SGMS1: variants seen among roughly 807,000 people sequenced by gnomAD.
SGMS1 encodes the protein phosphatidylcholine:ceramide cholinephosphotransferase 1.
SGMS1 carries 13 observed loss-of-function variants against 46.2 expected under a neutral mutation model. The ratio of observed to expected loss-of-function variants is 0.28; its 90% CI spans 0.18 to 0.45. The LOEUF (loss-of-function observed/expected upper bound fraction) is 0.45, where lower values mean the gene tolerates loss of function less well. Among genes scored for constraint, SGMS1 ranks in the 20% least tolerant of loss-of-function variants. The probability of loss-of-function intolerance (pLI) is 1.00; values close to 1 mark genes in which losing one functional copy is unlikely to be tolerated. For missense variants in SGMS1, 324 were observed against 519.9 expected, an observed-to-expected ratio of 0.62 and a Z score of 3.66; for synonymous variants, 203 against 187.8, an observed-to-expected ratio of 1.08 and a Z score of -0.66.
rs750349777 is a variant in SGMS1 at position 50,458,339 on chromosome 10, CTT to C, written c.-313+2332_-313+2333del. On this transcript the variant is annotated intron_variant, in intron 5 of 10. Coordinates refer to ENST00000361781, the MANE Select transcript of SGMS1 (RefSeq NM_147156.4). ...TCTGGCTCTGCTATTTTCTTTTTCT[CTT>C]TTTTTTTTTTTTTTTTTTTTTTTTT... Among the ~76,000 whole-genome samples, 798 of 96,932 alleles carry C rather than the reference CTT, an allele frequency of 8.2e-3. 1 individual carries two copies. The highest frequency in any genetic ancestry group is 0.029 in the African/African-American group (667 of 23,320). The allele number at this position is 96,932 out of a possible 152,430, so 63.6% of individuals were successfully genotyped here. A position where few individuals can be genotyped will look rare whatever the true frequency, so the allele number is the denominator to read the frequency against.
intron 1 of SGMS1, among the ~76,000 whole-genome samples, chr10:50,595,357 T>C (rs1291158172): frequency 1.3e-5 from 2 of 152,138 alleles, no homozygotes; most frequent in Admixed American, 1.3e-4. Context: ...TTTGTGCTTT[T>C]AGTAGAGGCA....
intron 6 of SGMS1, among the ~76,000 whole-genome samples, chr10:50,384,856 G>A (rs1848659377): frequency 6.6e-6 from 1 of 152,088 alleles, no homozygotes; most frequent in South Asian, 2.1e-4. Flanking sequence ...ACTTAGATGA[G>A]GATAGTACAA....
chr10:50,529,673 A>G (rs1837935332), intron 2 of SGMS1, among the ~76,000 whole-genome samples: 1 of 152,226 alleles, frequency 6.6e-6, no homozygotes, highest in Non-Finnish European at 1.5e-5. Flanking sequence ...TTACAGGTCT[A>G]AAAATGCCAT....
intron 8 of SGMS1, among the ~76,000 whole-genome samples, chr10:50,313,075 A>G (rs1847282354): frequency 6.6e-6 from 1 of 152,260 alleles, no homozygotes; most frequent in African/African-American, 2.4e-5. Context: ...AGAGAAGGAA[A>G]GTAATTCTAG....
intron 3 of SGMS1, among the ~76,000 whole-genome samples, chr10:50,479,472 T>C (rs11005872): frequency 0.13 from 20,053 of 152,168 alleles, 1,430 homozygotes; most frequent in Middle Eastern, 0.22. Context: ...TTGAACAATA[T>C]ATTGGAGATT....
chr10:50,500,344 A>G (rs1016092754), intron 3 of SGMS1, among the ~76,000 whole-genome samples: 3 of 152,242 alleles, frequency 2.0e-5, no homozygotes, highest in Non-Finnish European at 2.9e-5. Context: ...TTCTGTTTAT[A>G]GAAATTTACT....
intron 6 of SGMS1, among the ~76,000 whole-genome samples, chr10:50,425,535 A>G (rs1272272636): frequency 6.6e-6 from 1 of 152,202 alleles, no homozygotes; most frequent in Non-Finnish European, 1.5e-5. Context: ...TATAAGTGGG[A>G]CCTAAACATT....
intron 7 of SGMS1, among the ~76,000 whole-genome samples, chr10:50,333,802 T>C (rs1469099533): frequency 2.0e-5 from 3 of 152,208 alleles, no homozygotes; most frequent in Non-Finnish European, 4.4e-5. Context: ...GCACAGTTCA[T>C]GAATCAGGAA....
chr10:50,410,906 T>C (rs534100574), intron 6 of SGMS1, among the ~76,000 whole-genome samples: 8 of 152,338 alleles, frequency 5.3e-5, no homozygotes, highest in African/African-American at 1.7e-4. Context: ...CAGAATAACA[T>C]GTTAGTTCCT....
chr10:50,448,114 T>A (rs947191544), intron 5 of SGMS1, among the ~76,000 whole-genome samples: 5 of 152,106 alleles, frequency 3.3e-5, no homozygotes, highest in Non-Finnish European at 7.4e-5. Context: ...CCTACTTTTG[T>A]CCCCACCACT....
At chr10:50,479,649 G>A (rs1837458715) in intron 3 of SGMS1, among the ~76,000 whole-genome samples, 1 of 151,820 alleles carries the variant, frequency 6.6e-6, no homozygotes, top group African/African-American at 2.4e-5. Context: ...GACACACACA[G>A]GCAACAAAAA....
chr10:50,619,307 A>G (rs2131944684), intron 1 of SGMS1, among the ~76,000 whole-genome samples: 1 of 152,316 alleles, frequency 6.6e-6, no homozygotes, highest in African/African-American at 2.4e-5. Flanking sequence ...AACCTGCACT[A>G]ACAAGGATCT....
chr10:50,564,437 C>T (rs1241859566), intron 2 of SGMS1, among the ~76,000 whole-genome samples: 2 of 152,186 alleles, frequency 1.3e-5, no homozygotes, highest in African/African-American at 2.4e-5. Context: ...TAAACCAATA[C>T]TCTAGTTTTT....
intron 1 of SGMS1, among the ~76,000 whole-genome samples, chr10:50,607,413 A>C (rs988021339): frequency 6.6e-6 from 1 of 152,186 alleles, no homozygotes; most frequent in African/African-American, 2.4e-5. Context: ...GGGTACCTTG[A>C]GAGGGCAAAC....
In SGMS1 at chr10:50,371,047, T is replaced by G. The variant is rs1848428131; in HGVS notation, c.-231-26702A>C. The stretch of plus-strand genomic sequence containing the variant: ...AGAGCCAAATACTATCATTATCAAG[T>G]GTTATGTAAGGTACATAATTATATA... On this transcript the variant is annotated intron_variant, in intron 6 of 10. Coordinates refer to ENST00000361781, the MANE Select transcript of SGMS1 (RefSeq NM_147156.4). Among the ~76,000 whole-genome samples the G allele has an allele frequency of 2.6e-5, 4 of 152,168 alleles. No homozygotes were observed. In the South Asian group the frequency reaches 8.3e-4, roughly 31 times the overall value.
rs547913429 is a variant in SGMS1, at chr10:50,314,744, G to A, written c.742-3329C>T. ...TTGGGACCAGCCTGGGCAACATGGC[G>A]AGACTGTCTGTACAAAAAATGTAAA... On this transcript the variant is annotated intron_variant, in intron 8 of 10. Transcript: ENST00000361781. 3.3e-5 allele frequency among the ~76,000 whole-genome samples: 5 copies of A among 151,980 alleles called. No homozygotes were observed. In the East Asian group the frequency reaches 7.7e-4, roughly 23 times the overall value.
chr10:50,482,991 C>T (rs1335102439), intron 3 of SGMS1, among the ~76,000 whole-genome samples: 1 of 152,170 alleles, frequency 6.6e-6, no homozygotes, highest in Non-Finnish European at 1.5e-5. Flanking sequence ...GGGTTCAATT[C>T]CACAAGAAGA....
intron 3 of SGMS1, among the ~76,000 whole-genome samples, chr10:50,511,248 T>TAC (rs3054272): frequency 0.027 from 3,791 of 141,724 alleles, 80 homozygotes; most frequent in South Asian, 0.13. Flanking sequence ...CACTCATTCA[T>TAC]ACACACACAC....
intron 8 of SGMS1, among the ~76,000 whole-genome samples, chr10:50,322,581 C>T (rs190301751): frequency 0.019 from 2,933 of 151,990 alleles, 36 homozygotes; most frequent in South Asian, 0.067. Context: ...GCCTGTAATC[C>T]CAGCACTTTG....
Sources: gnomAD v4.1 joint callset for allele counts (sites outside exome capture counted in the v4.1 genomes callset) on GRCh38, gnomAD v4.1.1 for gene constraint, MANE v1.5 for transcripts, NCBI Gene and HGNC (gene_info 2026-07-23, HGNC 2026-07-21) for gene names.